ENTREP2: variants seen among roughly 807,000 people sequenced by gnomAD.
ENTREP2 encodes endosomal transmembrane epsin interactor 2, also known as protein ENTREP2.
At chr15:29,565,853 C>T in the ENTREP2 span, among the ~76,000 whole-genome samples, 7 of 150,894 alleles carry the variant, frequency 4.6e-5, no homozygotes, top group Non-Finnish European at 1.0e-4. Context: ...CCCAGCTACT[C>T]GGGAGGCTGA....
At chr15:29,386,430 G>A in the ENTREP2 span, among the ~76,000 whole-genome samples, 3 of 152,240 alleles carry the variant, frequency 2.0e-5, no homozygotes, top group Non-Finnish European at 4.4e-5. Flanking sequence ...CTTGTCACAC[G>A]CCCGGTGAGG....
the ENTREP2 span, among the ~76,000 whole-genome samples, chr15:29,136,697 T>C: frequency 1.3e-5 from 2 of 151,992 alleles, no homozygotes; most frequent in East Asian, 3.9e-4. Flanking sequence ...ACATCAACAT[T>C]TTCAATAAAC....
the ENTREP2 span, among the ~76,000 whole-genome samples, chr15:29,514,805 A>G: frequency 6.6e-6 from 1 of 152,214 alleles, no homozygotes; most frequent in Non-Finnish European, 1.5e-5. Flanking sequence ...ACCAGAGTGC[A>G]ATAAAAGAGT....
the ENTREP2 span, among the ~76,000 whole-genome samples, chr15:29,131,684 C>G: frequency 7.1e-4 from 16 of 22,468 alleles, no homozygotes; most frequent in African/African-American, 2.1e-3. Context: ...AGGCCCGATT[C>G]CTCTGCAGAA....
At chr15:29,674,220 AG>A in the ENTREP2 span, among the ~76,000 whole-genome samples, 1 of 151,196 alleles carries the variant, frequency 6.6e-6, no homozygotes, top group Non-Finnish European at 1.5e-5. Context: ...AGCCAGAAGC[AG>A]CAAACGCTCC....
the ENTREP2 span, among the ~76,000 whole-genome samples, chr15:29,488,135 A>T: frequency 1.3e-5 from 2 of 152,210 alleles, no homozygotes; most frequent in African/African-American, 4.8e-5. Context: ...TGCCCTAAAT[A>T]TGCTAAATGA....
chr15:29,511,438 T>A, the ENTREP2 span, among the ~76,000 whole-genome samples: 1 of 151,914 alleles, frequency 6.6e-6, no homozygotes, highest in Non-Finnish European at 1.5e-5. Flanking sequence ...AAGTGATTCT[T>A]CCTCCTCAGC....
chr15:29,147,860 TTATTAA>T, the ENTREP2 span, among the ~76,000 whole-genome samples: 2 of 152,180 alleles, frequency 1.3e-5, no homozygotes, highest in Non-Finnish European at 2.9e-5. Context: ...CATAACAGCA[TTATTAA>T]TAACAGCCAA....
At chr15:29,343,735 G>A in the ENTREP2 span, among the ~76,000 whole-genome samples, 1 of 152,128 alleles carries the variant, frequency 6.6e-6, no homozygotes, top group Non-Finnish European at 1.5e-5. Flanking sequence ...GGGTGGTAAT[G>A]GGAATTCTCA....
At chr15:29,224,924 C>T in the ENTREP2 span, among the ~76,000 whole-genome samples, 44 of 152,292 alleles carry the variant, frequency 2.9e-4, no homozygotes, top group African/African-American at 9.4e-4. Flanking sequence ...GCTGCAGGTC[C>T]GGAGCCCTGC....
At chr15:29,412,540 A>G in the ENTREP2 span, among the ~76,000 whole-genome samples, 6 of 152,114 alleles carry the variant, frequency 3.9e-5, no homozygotes, top group African/African-American at 7.2e-5. Flanking sequence ...TTAAGTTTGT[A>G]TATGTATTTT....
the ENTREP2 span, among the ~76,000 whole-genome samples, chr15:29,144,686 C>T: frequency 6.6e-5 from 10 of 152,046 alleles, no homozygotes; most frequent in Non-Finnish European, 1.3e-4. Context: ...ACCATGATCG[C>T]ACCTCTGCAC....
chr15:29,239,064 C>T, the ENTREP2 span, among the ~76,000 whole-genome samples: 5 of 151,968 alleles, frequency 3.3e-5, no homozygotes, highest in African/African-American at 9.7e-5. Context: ...TTTTAATAAG[C>T]CACTCTCTCA....
the ENTREP2 span, among the ~76,000 whole-genome samples, chr15:29,475,542 C>A: frequency 6.6e-6 from 1 of 152,124 alleles, no homozygotes; most frequent in Non-Finnish European, 1.5e-5. Context: ...AAAAACACAA[C>A]CCAGTGGGCA....
the ENTREP2 span, among the ~76,000 whole-genome samples, chr15:29,344,279 C>A: frequency 1.1e-3 from 173 of 152,322 alleles, no homozygotes; most frequent in African/African-American, 4.1e-3. Context: ...TAAACCAACA[C>A]TTTTTAAGCC....
chr15:29,627,857 G>A, the ENTREP2 span, among the ~76,000 whole-genome samples: 6 of 152,130 alleles, frequency 3.9e-5, no homozygotes, highest in East Asian at 7.7e-4. Context: ...TCAGTTCATC[G>A]TATGTATGTG....
the ENTREP2 span, among the ~76,000 whole-genome samples, chr15:29,649,034 G>A: frequency 2.0e-5 from 3 of 150,468 alleles, no homozygotes; most frequent in South Asian, 6.3e-4. Flanking sequence ...CCTTACCAGA[G>A]CTGATGCCAA....
the ENTREP2 span, among the ~76,000 whole-genome samples, chr15:29,537,104 T>C: frequency 1.3e-5 from 2 of 152,298 alleles, no homozygotes; most frequent in South Asian, 4.1e-4. Flanking sequence ...ACATAATATA[T>C]GTATACTATG....
the ENTREP2 span, among the ~76,000 whole-genome samples, chr15:29,247,007 A>G: frequency 2.6e-5 from 4 of 151,450 alleles, no homozygotes; most frequent in African/African-American, 9.8e-5. Flanking sequence ...ACACACACAC[A>G]CACACACGCA....
Sources: allele counts gnomAD v4.1 joint callset (sites outside exome capture counted in the v4.1 genomes callset), GRCh38; gene constraint gnomAD v4.1.1; transcripts MANE v1.5; gene names NCBI Gene and HGNC (gene_info 2026-07-23, HGNC 2026-07-21).